Variants in ACAD10 observed in about 807,000 individuals in gnomAD.
The protein encoded by ACAD10 is ACAD-10.
Under a neutral mutation model 116.8 loss-of-function variants are expected in ACAD10, and 112 were observed. That is an observed-to-expected ratio of 0.96 (90% CI 0.82 to 1.12). ACAD10 has a LOEUF of 1.12. ACAD10 is among the 50% of genes most tolerant of loss of function. The pLI is 0.00. For synonymous variants in ACAD10, 486 were observed against 510.6 expected (o/e 0.95, Z 0.65); for missense variants, 1,259 against 1,350.2 (o/e 0.93, Z 1.06).
intron 2 of ACAD10, 114 bp downstream of exon 2, chr12:111,693,010 G>GCT (rs1227000329): frequency 8.1e-7 from 1 of 1,235,268 alleles, no homozygotes; most frequent in Non-Finnish European, 1.1e-6. Context: ...AGCAGGCCAT[G>GCT]CTCTGGCTCT....
intron 13 of ACAD10, 29 bp downstream of exon 13, chr12:111,745,072 C>T (rs77034308): frequency 0.019 from 29,885 of 1,594,386 alleles, 325 homozygotes; most frequent in Non-Finnish European, 0.022. Context: ...GGTGGTAAGA[C>T]CCCAATACCA....
In ACAD10 at chr12:111,728,000, C is replaced by A; in HGVS notation, c.1100C>A (p.Pro367Gln). 6.2e-7 allele frequency: 1 copy of A among 1,613,844 alleles called. No individual in the cohort carries two copies. ...CCCTTCTATGTGATGGAGTACTGCC[C>A]AGGTCTCATCTACAAAGACCCTTCC... ...GTPFYVMEYCPGLIYKDPSLP... is the reference protein window; with the variant it reads ...GTPFYVMEYCQGLIYKDPSLP... The change falls in exon 9 of 21, where the codon CCA (proline) becomes CAA (glutamine). Residue 367 changes from proline (P) to glutamine (Q), a missense_variant. By Grantham distance (76) the Pro-to-Gln change is moderately conservative. Coordinates refer to ENST00000313698, the MANE Select transcript of ACAD10 (RefSeq NM_025247.6).
intron 16 of ACAD10, 58 bp from the exon 17 acceptor site, chr12:111,748,258 TA>T (rs1391866451): frequency 1.2e-6 from 2 of 1,601,822 alleles, no homozygotes; most frequent in South Asian, 1.1e-5. Context: ...ACCACGTGTG[TA>T]GAGATTTGAT....
intron 2 of ACAD10, among the ~76,000 whole-genome samples, chr12:111,695,359 T>C (rs1888165453): frequency 6.6e-6 from 1 of 152,272 alleles, no homozygotes; most frequent in Admixed American, 6.5e-5. Flanking sequence ...AATCTCATGG[T>C]TGTTACTAAC....
At chr12:111,719,950 A>G (rs1888969301) in intron 7 of ACAD10, among the ~76,000 whole-genome samples, 1 of 151,590 alleles carries the variant, frequency 6.6e-6, no homozygotes, top group African/African-American at 2.4e-5. Flanking sequence ...GATGGTCTCG[A>G]TCTCCTGACC....
intron 6 of ACAD10, among the ~76,000 whole-genome samples, chr12:111,713,101 A>C (rs1035175896): frequency 6.6e-6 from 1 of 151,224 alleles, no homozygotes; most frequent in Admixed American, 6.6e-5. Flanking sequence ...TCGCGAGGTC[A>C]GGAGTTTGAG....
intron 3 of ACAD10, among the ~76,000 whole-genome samples, chr12:111,703,928 CAT>C (rs1440728743): frequency 9.4e-5 from 14 of 148,194 alleles, no homozygotes; most frequent in Non-Finnish European, 1.0e-4. Context: ...TATATATAAA[CAT>C]ATATGTGTAT....
intron 2 of ACAD10, among the ~76,000 whole-genome samples, chr12:111,701,145 A>C (rs77813513): frequency 0.016 from 2,373 of 152,274 alleles, 73 homozygotes; most frequent in African/African-American, 0.054. Flanking sequence ...AAAAACAACA[A>C]AGGTGTTTTA....
intron 14 of ACAD10, 123 bp from the exon 15 acceptor site, chr12:111,746,926 G>A: frequency 7.5e-7 from 1 of 1,329,140 alleles, no homozygotes; most frequent in Non-Finnish European, 1.0e-6. Flanking sequence ...CTTGAGCTGA[G>A]GAAGTCGAGG....
intron 8 of ACAD10, among the ~76,000 whole-genome samples, chr12:111,727,694 A>G (rs1889256738): frequency 6.6e-6 from 1 of 152,064 alleles, no homozygotes; most frequent in African/African-American, 2.4e-5. Context: ...CTGTCCAAGA[A>G]GCATAGATGG....
At position 111,756,631 on chromosome 12, in the gene ACAD10, C is replaced by A; in HGVS notation, c.*158C>A. The A allele has an allele frequency of 8.3e-7, 1 of 1,205,772 alleles. No individual in the cohort carries two copies. Among genetic ancestry groups the A allele is most frequent in the Non-Finnish European group, 1.2e-6 (1 of 847,064 alleles). The allele number at this position is 1,205,772 out of a possible 1,614,324, so 74.7% of individuals were successfully genotyped here. Reference sequence around the variant, plus strand: ...GGTGGACTCAATCTTTCTGGTTCTCCACAGAAGACGTCTCTGCAAGAAGCC... The same window carrying A: ...GGTGGACTCAATCTTTCTGGTTCTCAACAGAAGACGTCTCTGCAAGAAGCC... On this transcript the variant is annotated 3_prime_UTR_variant, in exon 21 of 21. Coordinates refer to ENST00000313698, the MANE Select transcript of ACAD10 (RefSeq NM_025247.6).
At chr12:111,751,197 G>A (rs118018677) in intron 18 of ACAD10, among the ~76,000 whole-genome samples, 2,564 of 152,252 alleles carry the variant, frequency 0.017, 37 homozygotes, top group Non-Finnish European at 0.026. Context: ...CAACCTATAA[G>A]GCTAACAATG....
At chr12:111,740,153 C>T (rs1428065434) in intron 12 of ACAD10, among the ~76,000 whole-genome samples, 1 of 152,034 alleles carries the variant, frequency 6.6e-6, no homozygotes, top group African/African-American at 2.4e-5. Context: ...CTCTCTACTC[C>T]TGTGTGTCTT....
intron 20 of ACAD10, 48 bp from the exon 21 acceptor site, chr12:111,756,285 A>G: frequency 6.5e-7 from 1 of 1,528,354 alleles, no homozygotes; most frequent in African/African-American, 1.4e-5. Context: ...GGGCTCTCGG[A>G]GACAAGGGCT....
intron 16 of ACAD10, among the ~76,000 whole-genome samples, chr12:111,747,907 G>T (rs936186878): frequency 1.3e-5 from 2 of 152,078 alleles, no homozygotes; most frequent in Admixed American, 1.3e-4. Flanking sequence ...TAGGTCCCTT[G>T]CCTGGGGTAT....
Position 111,692,826 on chromosome 12 carries a change from C to T in ACAD10, c.117C>T (p.Gly39=), listed in dbSNP as rs745916700. The change falls in exon 2 of 21, where the codon GGC becomes GGT. Residue 39 remains glycine (G), a synonymous_variant. Coordinates refer to ENST00000313698, the MANE Select transcript of ACAD10 (RefSeq NM_025247.6). ...QGSHRWTHLG[G]STYRAVIFDM... is the part of the protein sequence containing the mutation. ...CCCACCGATGGACACACCTTGGAGG[C>T]AGCACCTACAGAGCGGTGATTTTCG... The T allele has an allele frequency of 6.2e-7, 1 of 1,614,222 alleles. No individual in the cohort carries two copies. The highest frequency in any genetic ancestry group is 1.3e-5 in the African/African-American group (1 of 75,058).
At position 111,744,781 on chromosome 12, in the gene ACAD10, A is replaced by G. The variant is rs138790472; in HGVS notation, c.1853A>G (p.Tyr618Cys). 7.6e-4 allele frequency: 1,221 copies of G among 1,614,202 alleles called. 3 individuals carry two copies. The highest frequency in any genetic ancestry group is 2.2e-3 in the South Asian group (200 of 91,088). The change falls in exon 13 of 21, where the codon TAC becomes TGC. Residue 618 changes from tyrosine (Y) to cysteine (C), a missense_variant. Coordinates refer to ENST00000313698, the MANE Select transcript of ACAD10 (RefSeq NM_025247.6). ...MPFTNPLTRS[Y>C]HTWARPQSQW... The stretch of plus-strand genomic sequence containing the variant: ...TTCACAAATCCGTTAACAAGGTCCT[A>G]CCACACGTGGGCCAGGCCCCAGTCC...
chr12:111,708,735 A>G (rs1888583692), intron 4 of ACAD10, among the ~76,000 whole-genome samples: 1 of 151,932 alleles, frequency 6.6e-6, no homozygotes, highest in Non-Finnish European at 1.5e-5. Flanking sequence ...GATTGGGCCC[A>G]CTCTATAGGA....
intron 3 of ACAD10, among the ~76,000 whole-genome samples, chr12:111,703,905 T>TTATATATA (rs145548072): frequency 1.5e-4 from 22 of 145,526 alleles, no homozygotes; most frequent in African/African-American, 5.0e-4. Context: ...TTTCCACAAT[T>TTATATATA]TATATATATA....
Sources: allele counts gnomAD v4.1 joint callset (sites outside exome capture counted in the v4.1 genomes callset), GRCh38; gene constraint gnomAD v4.1.1; transcripts MANE v1.5; gene names NCBI Gene and HGNC (gene_info 2026-07-23, HGNC 2026-07-21).